TMEM117: variants seen among roughly 807,000 people sequenced by gnomAD.
TMEM117 encodes transmembrane protein 117.
In TMEM117, 27 loss-of-function variants were observed where a neutral mutation model predicts 52.4. That is an observed-to-expected ratio of 0.51 (90% CI 0.38 to 0.71). The LOEUF (loss-of-function observed/expected upper bound fraction) is 0.71, where lower values mean the gene tolerates loss of function less well. TMEM117 is among the 30% of genes least tolerant of loss of function. The pLI is 0.00. For synonymous variants in TMEM117, 215 were observed against 206.3 expected (o/e 1.04, Z -0.36); for missense variants, 556 against 630.5 (o/e 0.88, Z 1.26).
Position 44,276,681 on chromosome 12 carries a change from A to G in TMEM117, c.609-22899A>G, listed in dbSNP as rs890729658. ...AGTCTGAGAGATAATGCATATGTCA[A>G]ATAGCTTGATTAAGCCATTCTGCAT... On this transcript the variant is annotated intron_variant, in intron 5 of 7. Transcript: ENST00000266534. Among the ~76,000 whole-genome samples, 5 of 152,182 alleles carry G rather than the reference A, an allele frequency of 3.3e-5. No homozygotes were observed. The East Asian group carries it at 9.6e-4, about 29-fold the overall frequency.
intron 6 of TMEM117, among the ~76,000 whole-genome samples, chr12:44,339,105 A>G (rs968909494): frequency 6.6e-6 from 1 of 152,084 alleles, no homozygotes; most frequent in Non-Finnish European, 1.5e-5. Flanking sequence ...AAAACTAGGC[A>G]TTAAACACTG....
At chr12:44,182,609 T>G (rs1157145167) in intron 4 of TMEM117, among the ~76,000 whole-genome samples, 1 of 152,220 alleles carries the variant, frequency 6.6e-6, no homozygotes, top group Non-Finnish European at 1.5e-5. Flanking sequence ...CTGAAAGAAC[T>G]ACCTGACATC....
chr12:44,231,830 G>A (rs1949937062), intron 5 of TMEM117, among the ~76,000 whole-genome samples: 1 of 151,612 alleles, frequency 6.6e-6, no homozygotes, highest in South Asian at 2.1e-4. Context: ...TTTTCTGCAT[G>A]CTAATTCCTT....
chr12:43,870,167 C>A (rs1209554063), intron 2 of TMEM117, among the ~76,000 whole-genome samples: 1 of 151,974 alleles, frequency 6.6e-6, no homozygotes, highest in Non-Finnish European at 1.5e-5. Context: ...TCCAGTCAGT[C>A]ATGGGTGGAC....
the TMEM117 span, among the ~76,000 whole-genome samples, chr12:43,796,024 A>C: frequency 6.6e-6 from 1 of 152,256 alleles, no homozygotes; most frequent in South Asian, 2.1e-4. Flanking sequence ...CTACATTCTC[A>C]AGTTGCTATG....
chr12:43,861,118 C>T (rs900450516), intron 2 of TMEM117, among the ~76,000 whole-genome samples: 9 of 152,198 alleles, frequency 5.9e-5, no homozygotes, highest in East Asian at 5.8e-4. Context: ...CATCCCTGTC[C>T]GTAGTGGAGG....
intron 5 of TMEM117, among the ~76,000 whole-genome samples, chr12:44,289,579 G>A (rs1444630401): frequency 1.6e-5 from 2 of 127,406 alleles, no homozygotes; most frequent in African/African-American, 6.3e-5. Flanking sequence ...TTGAGACAGA[G>A]TCTCCCTCTG....
chr12:44,224,415 T>C (rs895711225), intron 5 of TMEM117, among the ~76,000 whole-genome samples: 1 of 152,172 alleles, frequency 6.6e-6, no homozygotes, highest in Non-Finnish European at 1.5e-5. Context: ...GACTCTTCTC[T>C]ACATCCTTCA....
the TMEM117 span, among the ~76,000 whole-genome samples, chr12:43,819,129 G>GAAGGAGGGA: frequency 6.6e-6 from 1 of 152,196 alleles, no homozygotes; most frequent in African/African-American, 2.4e-5. Context: ...GGGAGGAGGG[G>GAAGGAGGGA]AAGGAGGGAT....
At chr12:44,104,337 C>T (rs997442238) in intron 3 of TMEM117, among the ~76,000 whole-genome samples, 1 of 151,640 alleles carries the variant, frequency 6.6e-6, no homozygotes, top group East Asian at 1.9e-4. Context: ...ATTTTTTTAA[C>T]AAATATTTTG....
At chr12:43,939,590 C>T (rs181029632) in intron 2 of TMEM117, among the ~76,000 whole-genome samples, 22 of 152,336 alleles carry the variant, frequency 1.4e-4, no homozygotes, top group African/African-American at 5.1e-4. Context: ...CCTTCTCCTA[C>T]TGCCACTTCA....
intron 3 of TMEM117, among the ~76,000 whole-genome samples, chr12:44,121,010 G>A (rs1015198959): frequency 1.3e-5 from 2 of 152,214 alleles, no homozygotes; most frequent in East Asian, 3.8e-4. Flanking sequence ...GGCTGGAGAG[G>A]CCCCACAATC....
chr12:44,366,513 GT>G (rs1951791456), intron 6 of TMEM117, among the ~76,000 whole-genome samples: 1 of 152,078 alleles, frequency 6.6e-6, no homozygotes, highest in Non-Finnish European at 1.5e-5. Flanking sequence ...ACCTGCTCCA[GT>G]GTATCTTGTT....
intron 3 of TMEM117, among the ~76,000 whole-genome samples, chr12:44,140,381 T>A (rs1786821889): frequency 6.6e-6 from 1 of 152,158 alleles, no homozygotes; most frequent in Non-Finnish European, 1.5e-5. Context: ...ATGCCATATA[T>A]AAATAAATAT....
intron 5 of TMEM117, among the ~76,000 whole-genome samples, chr12:44,284,941 A>T (rs1950620292): frequency 6.6e-6 from 1 of 152,258 alleles, no homozygotes; most frequent in Non-Finnish European, 1.5e-5. Context: ...GTAAACTAAC[A>T]TCCTTCAGAT....
intron 5 of TMEM117, among the ~76,000 whole-genome samples, chr12:44,237,602 C>T (rs917999117): frequency 3.4e-4 from 51 of 151,756 alleles, no homozygotes; most frequent in African/African-American, 1.7e-4. Flanking sequence ...CTGTAATCCC[C>T]GCTACTTGGG....
chr12:44,169,459 A>G (rs142793246), intron 4 of TMEM117, among the ~76,000 whole-genome samples: 1,862 of 152,276 alleles, frequency 0.012, 31 homozygotes, highest in African/African-American at 0.042. Context: ...ATGGTTAAGT[A>G]TCTTTTCATG....
the TMEM117 span, among the ~76,000 whole-genome samples, chr12:43,808,967 T>C: frequency 6.7e-6 from 1 of 149,076 alleles, no homozygotes; most frequent in South Asian, 2.1e-4. Flanking sequence ...ATTTCAATTA[T>C]GTAGGAAAAC....
At chr12:44,028,867 T>C (rs182915816) in intron 3 of TMEM117, among the ~76,000 whole-genome samples, 1 of 152,294 alleles carries the variant, frequency 6.6e-6, no homozygotes, top group East Asian at 1.9e-4. Context: ...TTGGAACTCC[T>C]TTCTTGTAAC....
Sources: gnomAD v4.1 joint callset for allele counts (sites outside exome capture counted in the v4.1 genomes callset) on GRCh38, gnomAD v4.1.1 for gene constraint, MANE v1.5 for transcripts, NCBI Gene and HGNC (gene_info 2026-07-23, HGNC 2026-07-21) for gene names.